MLIP: variants seen among roughly 807,000 people sequenced by gnomAD.
The protein encoded by MLIP is muscular LMNA interacting protein, also known as muscular LMNA-interacting protein.
A neutral mutation model predicts 84.8 loss-of-function variants in MLIP; 79 were observed. The observed-to-expected ratio is 0.93, with a 90% CI of 0.78 to 1.12. The LOEUF is 1.12. Among genes scored for constraint, MLIP ranks in the 50% most tolerant of loss-of-function variants. MLIP has a pLI of 0.00. For synonymous variants in MLIP, 504 were observed against 463.0 expected (o/e 1.09, Z -1.14); for missense variants, 1,257 against 1,160.6 (o/e 1.08, Z -1.21).
intron 12 of MLIP, among the ~76,000 whole-genome samples, chr6:54,252,219 CTATAT>C (rs1782652891): frequency 9.7e-6 from 1 of 103,286 alleles, no homozygotes; most frequent in African/African-American, 4.3e-5. Flanking sequence ...TAATATATAA[CTATAT>C]TATAACATAT....
chr6:54,127,284 T>C (rs188385018), intron 3 of MLIP, among the ~76,000 whole-genome samples: 1 of 152,318 alleles, frequency 6.6e-6, no homozygotes, highest in African/African-American at 2.4e-5. Context: ...ACTTTTATCT[T>C]TTTTCCTCAC....
In MLIP at chr6:54,230,893, C is replaced by T; in HGVS notation, c.2898C>T (p.Leu966=). 1 of 1,614,014 alleles carries T rather than the reference C, an allele frequency of 6.2e-7. No individual in the cohort carries two copies. Among genetic ancestry groups the T allele is most frequent in the Non-Finnish European group, 8.5e-7 (1 of 1,179,950 alleles). The change falls in exon 12 of 14, where the codon CTC becomes CTT. Residue 966 remains leucine, a synonymous_variant. Transcript: ENST00000502396. ...ATGAACAGGAGAATTCTCACACCCT[C>T]CTCAGTCACAACGCATGCAACAAGG... ...LSDEQENSHT[L]LSHNACNKLS...
chr6:54,159,342 C>T lies in MLIP; in HGVS notation c.2290-1025C>T, dbSNP rs9349697. On this transcript the variant is annotated intron_variant, in intron 5 of 13. Coordinates refer to ENST00000502396, the MANE Select transcript of MLIP (RefSeq NM_001281747.2). ...GATAAAGAAAATATGTGCTGAAAAT[C>T]GAAATTTGAATTAATTTAAAATTAG... 4.6e-5 allele frequency among the ~76,000 whole-genome samples: 7 copies of T among 152,076 alleles called. No homozygotes were observed. The South Asian group carries it at 8.3e-4, about 18-fold the overall frequency.
chr6:54,050,861 C>T (rs995818661), intron 1 of MLIP, among the ~76,000 whole-genome samples: 1 of 150,934 alleles, frequency 6.6e-6, no homozygotes, highest in Admixed American at 6.6e-5. Flanking sequence ...TCACCTAACA[C>T]TAACTATTTT....
intron 1 of MLIP, among the ~76,000 whole-genome samples, chr6:54,048,316 T>C (rs536864328): frequency 6.6e-6 from 1 of 152,290 alleles, no homozygotes; most frequent in East Asian, 1.9e-4. Context: ...AGTAAGATGC[T>C]GAAATCATTA....
intron 3 of MLIP, among the ~76,000 whole-genome samples, chr6:54,130,602 G>T (rs1019056697): frequency 3.3e-5 from 5 of 151,976 alleles, no homozygotes; most frequent in African/African-American, 1.2e-4. Context: ...AGACACTAGG[G>T]GTACATAGAC....
At chr6:54,081,761 C>A (rs1480998585) in intron 1 of MLIP, among the ~76,000 whole-genome samples, 1 of 152,074 alleles carries the variant, frequency 6.6e-6, no homozygotes, top group Non-Finnish European at 1.5e-5. Flanking sequence ...GACCTCGCCC[C>A]AGCAGACTTT....
upstream of MLIP, among the ~76,000 whole-genome samples, chr6:54,109,614 C>A (rs570714782): frequency 2.2e-3 from 328 of 152,168 alleles, 1 homozygote; most frequent in Non-Finnish European, 3.6e-3. Context: ...TTCCCTTTCC[C>A]CGTTCTTCTA....
intron 1 of MLIP, among the ~76,000 whole-genome samples, chr6:54,033,603 A>G (rs1581996052): frequency 1.3e-5 from 2 of 152,024 alleles, no homozygotes; most frequent in East Asian, 3.9e-4. Context: ...GACACATAGC[A>G]AGCCAGTGGA....
intron 1 of MLIP, among the ~76,000 whole-genome samples, chr6:54,021,772 T>C (rs191244187): frequency 9.1e-4 from 138 of 152,348 alleles, no homozygotes; most frequent in African/African-American, 3.1e-3. Context: ...AGGAATGATA[T>C]CAAATTCTTC....
At chr6:54,097,230 T>A (rs1322831405) in intron 1 of MLIP, among the ~76,000 whole-genome samples, 1 of 152,226 alleles carries the variant, frequency 6.6e-6, no homozygotes, top group African/African-American at 2.4e-5. Flanking sequence ...AATTTATTCA[T>A]GATTCTGTCT....
chr6:54,230,821 C>T lies in MLIP; in HGVS notation c.2826C>T (p.Asp942=). 3.1e-6 allele frequency: 5 copies of T among 1,614,106 alleles called. No individual in the cohort carries two copies. The highest frequency in any genetic ancestry group is 4.2e-6 in the Non-Finnish European group (5 of 1,180,008). Reference sequence around the variant, plus strand: ...ATCCACAGACCCTCTCACATGCTGACTGTCTTGCCCCAGGACCCTTCAGTC... The same window carrying T: ...ATCCACAGACCCTCTCACATGCTGATTGTCTTGCCCCAGGACCCTTCAGTC... ...LLHPQTLSHA[D]CLAPGPFSHL... is the part of the protein sequence containing the mutation. Residue 942 remains aspartate, a synonymous_variant, in exon 12 of 14, where the codon GAC becomes GAT. Coordinates refer to ENST00000502396, the MANE Select transcript of MLIP (RefSeq NM_001281747.2).
At chr6:54,130,213 C>T (rs1771266986) in intron 3 of MLIP, among the ~76,000 whole-genome samples, 1 of 152,004 alleles carries the variant, frequency 6.6e-6, no homozygotes, top group Non-Finnish European at 1.5e-5. Flanking sequence ...TTAATTTGTA[C>T]CATTAACCAG....
At chr6:54,052,323 A>G (rs961535636) in intron 1 of MLIP, among the ~76,000 whole-genome samples, 3 of 152,168 alleles carry the variant, frequency 2.0e-5, no homozygotes, top group African/African-American at 7.2e-5. Flanking sequence ...TTAAACTCCT[A>G]TGAAAATCAT....
chr6:54,045,111 G>A (rs1169369804), intron 1 of MLIP, among the ~76,000 whole-genome samples: 1 of 152,018 alleles, frequency 6.6e-6, no homozygotes, highest in African/African-American at 2.4e-5. Flanking sequence ...CACTTAGGGA[G>A]GCCGAGGTGG....
chr6:54,138,417 C>T (rs905998650), intron 4 of MLIP, 131 bp downstream of exon 4: 36 of 990,034 alleles, frequency 3.6e-5, no homozygotes, highest in African/African-American at 1.8e-4. Flanking sequence ...AAGTGCAAGA[C>T]GGTACCAGGA....
intron 1 of MLIP, among the ~76,000 whole-genome samples, chr6:54,042,202 G>A (rs1245979834): frequency 6.6e-6 from 1 of 151,994 alleles, no homozygotes; most frequent in Non-Finnish European, 1.5e-5. Context: ...GCCTTTCTGT[G>A]AATAAAACTG....
chr6:54,145,270 A>G (rs919079068), intron 4 of MLIP, among the ~76,000 whole-genome samples: 1 of 152,210 alleles, frequency 6.6e-6, no homozygotes, highest in African/African-American at 2.4e-5. Context: ...AGCACCTGGA[A>G]GCCTTGAAAT....
In MLIP at chr6:54,121,617, A is replaced by C. The variant is rs752753056; in HGVS notation, c.252+15A>C. ...CTGTAAATAGGGTAGGATTATTTTTATTCTTTTTTAATTTCAAACAATTAT... is the reference window on the plus strand; with the variant it reads ...CTGTAAATAGGGTAGGATTATTTTTCTTCTTTTTTAATTTCAAACAATTAT... On this transcript the variant is annotated intron_variant, in intron 2 of 13. Coordinates refer to ENST00000502396, the MANE Select transcript of MLIP (RefSeq NM_001281747.2). 9.1e-6 allele frequency: 14 copies of C among 1,534,004 alleles called. No homozygotes were observed. In the African/African-American group the frequency reaches 1.8e-4, roughly 20 times the overall value.
Sources: allele counts gnomAD v4.1 joint callset (sites outside exome capture counted in the v4.1 genomes callset), GRCh38; gene constraint gnomAD v4.1.1; transcripts MANE v1.5; gene names NCBI Gene and HGNC (gene_info 2026-07-23, HGNC 2026-07-21).